Variants in SZT2 observed in about 807,000 individuals in gnomAD.
SZT2 encodes the protein KICSTOR complex protein SZT2.
Under a neutral mutation model 404.2 loss-of-function variants are expected in SZT2, and 216 were observed. The ratio of observed to expected loss-of-function variants is 0.53; its 90% CI spans 0.48 to 0.60. The LOEUF (loss-of-function observed/expected upper bound fraction) is 0.60. Among genes scored for constraint, SZT2 ranks in the 20% least tolerant of loss-of-function variants. The pLI is 0.00. For synonymous variants in SZT2, 1,693 were observed against 1,749.9 expected (o/e 0.97, Z 0.81); for missense variants, 3,857 against 4,459.2 (o/e 0.86, Z 3.85).
chr1:43,403,175 A>G lies in SZT2; in HGVS notation c.28-2A>G, dbSNP rs1248809758. 1 of 1,614,068 alleles carries G rather than the reference A, an allele frequency of 6.2e-7. No homozygotes were observed. ...GATGTATTAATGTCTCTTTGTTCCCAGGTGGAAGAAGCTGGGCAGGTGTTC... is the reference window on the plus strand; with the variant it reads ...GATGTATTAATGTCTCTTTGTTCCCGGGTGGAAGAAGCTGGGCAGGTGTTC... On this transcript the variant is annotated splice_acceptor_variant, in intron 1 of 71. Transcript: ENST00000634258. LOFTEE classifies it high-confidence loss of function.
intron 10 of SZT2, 90 bp downstream of exon 10, chr1:43,421,073 G>A: frequency 6.3e-7 from 1 of 1,594,748 alleles, no homozygotes; most frequent in Non-Finnish European, 8.5e-7. Context: ...GCATCACCCA[G>A]AGAACCAGGC....
Position 43,430,367 on chromosome 1 carries a change from G to T in SZT2, c.4458G>T (p.Glu1486Asp). Reference protein sequence around the residue: ...DRKISDLEFSEAELMGEEGDT... With the variant: ...DRKISDLEFSDAELMGEEGDT... ...AAATCAGTGACCTGGAGTTTTCAGAGGCTGAGCTTATGGGAGAAGAAGGTA... is the reference window on the plus strand; with the variant it reads ...AAATCAGTGACCTGGAGTTTTCAGATGCTGAGCTTATGGGAGAAGAAGGTA... The change falls in exon 31 of 72, where the codon GAG becomes GAT. Residue 1486 changes from glutamate to aspartate, a missense_variant. Glu to Asp is a conservative substitution (Grantham distance 45). This residue lies in a region of SZT2 where 1,725 missense variants were observed against 1,881.0 expected (regional missense o/e 0.92). Coordinates refer to ENST00000634258, the MANE Select transcript of SZT2 (RefSeq NM_001365999.1). 6.2e-7 allele frequency: 1 copy of T among 1,609,488 alleles called. No individual in the cohort carries two copies. The highest frequency in any genetic ancestry group is 8.5e-7 in the Non-Finnish European group (1 of 1,178,662).
At position 43,441,643 on chromosome 1, in the gene SZT2, GGTC is replaced by G. The variant is rs1263140416; in HGVS notation, c.7610-42_7610-40del. 1.2e-6 allele frequency: 2 copies of G among 1,613,952 alleles called. No homozygotes were observed. Among genetic ancestry groups the G allele is most frequent in the East Asian group, 4.5e-5 (2 of 44,874 alleles). On this transcript the variant is annotated intron_variant, in intron 54 of 71. Transcript: ENST00000634258. This position sits in a 1 kb window ranked among gnomAD's most constrained non-coding sequence, Gnocchi z 4.8. The stretch of plus-strand genomic sequence containing the variant: ...CCCTCCCATCCCTCAACCCCAGCCT[GGTC>G]TCCATCCTGCAGCTCCACAGTGACT...
In SZT2 at chr1:43,442,040, C is replaced by A. The variant is rs1655114753; in HGVS notation, c.7783C>A (p.Gln2595Lys). The A allele has an allele frequency of 1.2e-6, 2 of 1,613,956 alleles. No homozygotes were observed. Among genetic ancestry groups the A allele is most frequent in the South Asian group, 1.1e-5 (1 of 91,066 alleles). ...GATCTTCGGCCCTTGTTCCCCTGGG[C>A]AACTGGGCCCCTCTCCCCGCCCTGC... Reference protein sequence around the residue: ...PEIFGPCSPGQLGPSPRPAAE... With the variant: ...PEIFGPCSPGKLGPSPRPAAE... Residue 2595 changes from glutamine to lysine, a missense_variant, in exon 56 of 72, where the codon CAA (glutamine) becomes AAA (lysine). Gln to Lys is a moderately conservative substitution (Grantham distance 53). Around this residue, in one of 7 missense-constraint regions of SZT2, gnomAD observed 573 missense variants for 592.4 expected, o/e 0.97. Coordinates refer to ENST00000634258, the MANE Select transcript of SZT2 (RefSeq NM_001365999.1). This position sits in a 1 kb window ranked among gnomAD's most constrained non-coding sequence, Gnocchi z 4.5.
intron 6 of SZT2, 109 bp downstream of exon 6, chr1:43,416,210 A>G: frequency 7.2e-7 from 1 of 1,394,668 alleles, no homozygotes; most frequent in Non-Finnish European, 9.6e-7. Flanking sequence ...CCCAGGGAAG[A>G]GGATCTGTTT....
In SZT2 at chr1:43,453,231, A is replaced by G. The variant is rs1353644202; in HGVS notation, c.*2751A>G. 3 of 642,718 alleles carry G rather than the reference A, an allele frequency of 4.7e-6. No individual in the cohort carries two copies. In the Admixed American group the frequency reaches 8.4e-5, roughly 18 times the overall value. 39.8% of individuals were successfully genotyped at this position (642,718 alleles called of 1,614,324 possible). ...AACAGAGTGGCATAAGACAGATAAA[A>G]TACAAAAGGCAATTTACAAAGGACC... On this transcript the variant is annotated 3_prime_UTR_variant, in exon 72 of 72. Transcript: ENST00000634258.
At position 43,448,062 on chromosome 1, in the gene SZT2, C is replaced by T; in HGVS notation, c.9564-17C>T. 6.2e-7 allele frequency: 1 copy of T among 1,602,042 alleles called. No homozygotes were observed. The highest frequency in any genetic ancestry group is 2.2e-5 in the East Asian group (1 of 44,638). ...CTTGCTACAACCACCACTCTCCTGC[C>T]CTGCTCCCCACCCCAGGCTACAGTT... is the stretch of plus-strand genomic sequence containing the variant. On this transcript the variant is annotated splice_polypyrimidine_tract_variant and intron_variant, in intron 68 of 71. Transcript: ENST00000634258. The surrounding 1 kb of genome is among the most constrained non-coding windows in gnomAD (Gnocchi z 4.2).
chr1:43,442,641 C>A lies in SZT2; in HGVS notation c.8151+23C>A. 1 of 1,576,630 alleles carries A rather than the reference C, an allele frequency of 6.3e-7. No individual in the cohort carries two copies. Among genetic ancestry groups the A allele is most frequent in the Non-Finnish European group, 8.6e-7 (1 of 1,160,522 alleles). On this transcript the variant is annotated intron_variant, in intron 58 of 71. Coordinates refer to ENST00000634258, the MANE Select transcript of SZT2 (RefSeq NM_001365999.1). This position sits in a 1 kb window ranked among gnomAD's most constrained non-coding sequence, Gnocchi z 4.5. Reference sequence around the variant, plus strand: ...AAGGTGCCTGCTGCTCTGGTTCTTCCTATAGTTTTGGCTACTGAGGGGTCA... The same window carrying A: ...AAGGTGCCTGCTGCTCTGGTTCTTCATATAGTTTTGGCTACTGAGGGGTCA...
chr1:43,450,508 C>G lies in SZT2; in HGVS notation c.*28C>G, dbSNP rs1318881173. 2 of 1,613,134 alleles carry G rather than the reference C, an allele frequency of 1.2e-6. No homozygotes were observed. Among genetic ancestry groups the G allele is most frequent in the Non-Finnish European group, 1.7e-6 (2 of 1,179,476 alleles). On this transcript the variant is annotated 3_prime_UTR_variant, in exon 72 of 72. Transcript: ENST00000634258. This position sits in a 1 kb window ranked among gnomAD's most constrained non-coding sequence, Gnocchi z 4.3. ...GAGTGGACTGGACCACTGAATGTCA[C>G]TGTTCCTTGAATCATGGGCCTACCA... is the stretch of plus-strand genomic sequence containing the variant.
chr1:43,450,953 C>G lies in SZT2; in HGVS notation c.*473C>G. 1.3e-6 allele frequency: 1 copy of G among 760,832 alleles called. No individual in the cohort carries two copies. The allele number at this position is 760,832 out of a possible 1,614,324, so 47.1% of individuals were successfully genotyped here. ...TGACACCTGGGTTCCAATCCCAGCTCTGCCTTTGAAGCACTTGTGGCCACC... is the reference window on the plus strand; with the variant it reads ...TGACACCTGGGTTCCAATCCCAGCTGTGCCTTTGAAGCACTTGTGGCCACC... On this transcript the variant is annotated 3_prime_UTR_variant, in exon 72 of 72. Transcript: ENST00000634258. The surrounding 1 kb of genome is among the most constrained non-coding windows in gnomAD (Gnocchi z 4.3).
chr1:43,395,627 C>A (rs1427079806), intron 1 of SZT2, among the ~76,000 whole-genome samples: 1 of 152,208 alleles, frequency 6.6e-6, no homozygotes, highest in Non-Finnish European at 1.5e-5. Flanking sequence ...GAACCACATT[C>A]TTATCCTTCG....
chr1:43,442,214 G>T lies in SZT2; in HGVS notation c.7874-54G>T, dbSNP rs1655138193. On this transcript the variant is annotated intron_variant, in intron 56 of 71. Coordinates refer to ENST00000634258, the MANE Select transcript of SZT2 (RefSeq NM_001365999.1). This position sits in a 1 kb window ranked among gnomAD's most constrained non-coding sequence, Gnocchi z 4.5. ...TCCAACCTTGCAGAGGGGAGGGTGG[G>T]ATCAAGGGGGATCTGTTCCCAGGCC... 1 of 1,600,440 alleles carries T rather than the reference G, an allele frequency of 6.2e-7. No homozygotes were observed. Among genetic ancestry groups the T allele is most frequent in the East Asian group, 2.2e-5 (1 of 44,700 alleles).
At chr1:43,392,790 C>A (rs1485559367) in intron 1 of SZT2, among the ~76,000 whole-genome samples, 1 of 152,160 alleles carries the variant, frequency 6.6e-6, no homozygotes, top group Non-Finnish European at 1.5e-5. Flanking sequence ...AAGAGTTCTG[C>A]CCCTGGGTGT....
chr1:43,451,581 C>T lies in SZT2; in HGVS notation c.*1101C>T, dbSNP rs113020037. On this transcript the variant is annotated 3_prime_UTR_variant, in exon 72 of 72. Transcript: ENST00000634258. Reference sequence around the variant, plus strand: ...TGTGGACAAATGTGGGGTCCAGGCTCCTGCCAGGGCCTGAAGGACAGATGT... The same window carrying T: ...TGTGGACAAATGTGGGGTCCAGGCTTCTGCCAGGGCCTGAAGGACAGATGT... 2 of 1,613,456 alleles carry T rather than the reference C, an allele frequency of 1.2e-6. No homozygotes were observed. The highest frequency in any genetic ancestry group is 1.7e-5 in the Admixed American group (1 of 59,998).
rs1343735011 is a variant in SZT2, at chr1:43,424,607, C to G, written c.2471+175C>G. On this transcript the variant is annotated intron_variant, in intron 16 of 71. Transcript: ENST00000634258. This position sits in a 1 kb window ranked among gnomAD's most constrained non-coding sequence, Gnocchi z 4.1. ...CTCCCATCACCCGATTTGTTTTGTC[C>G]TCTCTCATCCTCACTGGATTTGTTA... Among the ~76,000 whole-genome samples the G allele has an allele frequency of 2.6e-5, 4 of 151,538 alleles. No individual in the cohort carries two copies. Among genetic ancestry groups the G allele is most frequent in the Admixed American group, 2.6e-4 (4 of 15,252 alleles).
Position 43,426,828 on chromosome 1 carries a change from C to G in SZT2, c.3309+19C>G, listed in dbSNP as rs759933909. The G allele has an allele frequency of 1.4e-5, 22 of 1,610,508 alleles. No individual in the cohort carries two copies. In the Admixed American group the frequency reaches 2.0e-4, roughly 15 times the overall value. ...TTCCCTGGTCAGCACCGATTCTTCT[C>G]CCTGAGCCCTTGTCACACTGACCTC... On this transcript the variant is annotated intron_variant, in intron 23 of 71. Coordinates refer to ENST00000634258, the MANE Select transcript of SZT2 (RefSeq NM_001365999.1). This position sits in a 1 kb window ranked among gnomAD's most constrained non-coding sequence, Gnocchi z 4.9.
intron 4 of SZT2, among the ~76,000 whole-genome samples, chr1:43,413,864 A>G (rs1651377646): frequency 6.6e-6 from 1 of 152,054 alleles, no homozygotes; most frequent in Non-Finnish European, 1.5e-5. Context: ...AGAGTTAGAA[A>G]GAATGAATAA....
At position 43,437,139 on chromosome 1, in the gene SZT2, C is replaced by T. The variant is rs770684440; in HGVS notation, c.6035-32C>T. 4 of 1,611,852 alleles carry T rather than the reference C, an allele frequency of 2.5e-6. No homozygotes were observed. The Admixed American group carries it at 6.7e-5, about 27-fold the overall frequency. On this transcript the variant is annotated intron_variant, in intron 42 of 71. Coordinates refer to ENST00000634258, the MANE Select transcript of SZT2 (RefSeq NM_001365999.1). This position sits in a 1 kb window ranked among gnomAD's most constrained non-coding sequence, Gnocchi z 5.3. ...CTGTGGAGGGCAGAGGGTGGTGTGT[C>T]CCATTTCTAATCCCTGCTCCCCCTC...
At chr1:43,427,774 A>G (rs755148436) in intron 26 of SZT2, 40 bp downstream of exon 26, 3 of 1,601,088 alleles carry the variant, frequency 1.9e-6, no homozygotes, top group South Asian at 1.1e-5. Context: ...TCGCCGGGCC[A>G]TGGCTCCCAG....
Sources: gnomAD v4.1 joint callset for allele counts (sites outside exome capture counted in the v4.1 genomes callset) on GRCh38, gnomAD v4.1.1 for gene constraint, gnomAD v4.1.1 regional missense constraint, Gnocchi (gnomAD v3.1) non-coding constraint, MANE v1.5 for transcripts, NCBI Gene and HGNC (gene_info 2026-07-23, HGNC 2026-07-21) for gene names.